ERBB4: variants seen among roughly 807,000 people sequenced by gnomAD.
ERBB4 encodes erb-b2 receptor tyrosine kinase 4.
In ERBB4, 42 loss-of-function variants were observed where a neutral mutation model predicts 158.0. That is an observed-to-expected ratio of 0.27 (90% CI 0.21 to 0.34). ERBB4 has a LOEUF of 0.34. Ranked by LOEUF, ERBB4 falls within the 10% of genes least tolerant of loss-of-function variation. The probability of loss-of-function intolerance (pLI) is 1.00; values close to 1 mark genes in which losing one functional copy is unlikely to be tolerated. For synonymous variants in ERBB4, 583 were observed against 558.7 expected (o/e 1.04, Z -0.61); for missense variants, 1,333 against 1,624.1 (o/e 0.82, Z 3.08).
At chr2:211,387,570 C>T (rs1054046925) in intron 26 of ERBB4, among the ~76,000 whole-genome samples, 1 of 152,088 alleles carries the variant, frequency 6.6e-6, no homozygotes, top group South Asian at 2.1e-4. Flanking sequence ...TTATTCCCTT[C>T]GAAAATTCTG....
chr2:212,397,492 AAAGG>A (rs35938197), intron 1 of ERBB4, among the ~76,000 whole-genome samples: 9 of 145,782 alleles, frequency 6.2e-5, no homozygotes, highest in Non-Finnish European at 1.1e-4. Context: ...AGAAAGAAAA[AAAGG>A]AAGGAAGGAA....
chr2:211,399,830 G>A (rs2062996086), intron 25 of ERBB4, among the ~76,000 whole-genome samples: 1 of 151,986 alleles, frequency 6.6e-6, no homozygotes, highest in Non-Finnish European at 1.5e-5. Context: ...AATACAACTT[G>A]TTAACTAAGA....
chr2:211,607,812 GC>G (rs1559343944), intron 19 of ERBB4, among the ~76,000 whole-genome samples: 1 of 151,028 alleles, frequency 6.6e-6, no homozygotes. Flanking sequence ...TTCATGAAAA[GC>G]GTTAATGATT....
At chr2:211,499,466 T>C (rs1248180650) in intron 20 of ERBB4, among the ~76,000 whole-genome samples, 1 of 152,002 alleles carries the variant, frequency 6.6e-6, no homozygotes, top group Non-Finnish European at 1.5e-5. Context: ...GAGGTTGCAG[T>C]GAGCCGAGAT....
intron 2 of ERBB4, among the ~76,000 whole-genome samples, chr2:212,011,993 C>T (rs184628288): frequency 5.5e-4 from 84 of 152,234 alleles, no homozygotes; most frequent in Non-Finnish European, 9.4e-4. Flanking sequence ...TCAACCATTT[C>T]GGTTACCGTG....
Position 212,322,936 on chromosome 2 carries a change from C to G in ERBB4, c.83-198033G>C, listed in dbSNP as rs191517169. 1.2e-3 allele frequency among the ~76,000 whole-genome samples: 158 copies of G among 136,770 alleles called. 9 individuals are homozygous for G. The highest frequency in any genetic ancestry group is 4.9e-4 in the Non-Finnish European group (32 of 64,684). 89.7% of individuals were successfully genotyped at this position (136,770 alleles called of 152,430 possible). ...TCTGCTAAATGTTATTCTCCCTAGC[C>G]GGAAAAAAAAATCATTCTTGAAATC... On this transcript the variant is annotated intron_variant, in intron 1 of 27. Coordinates refer to ENST00000342788, the MANE Select transcript of ERBB4 (RefSeq NM_005235.3).
chr2:211,713,674 AAT>A, intron 7 of ERBB4, 26 bp from the exon 8 acceptor site: 1 of 1,316,882 alleles, frequency 7.6e-7, no homozygotes, highest in Non-Finnish European at 1.1e-6. Flanking sequence ...AAAAAGGTAA[AAT>A]AAGCATTAAT....
intron 27 of ERBB4, 42 bp downstream of exon 27, chr2:211,386,811 T>C: frequency 6.3e-7 from 1 of 1,599,942 alleles, no homozygotes; most frequent in Non-Finnish European, 8.6e-7. Flanking sequence ...TTGATGGAAG[T>C]GAACTTCGAA....
At chr2:212,461,646 G>A (rs933827114) in intron 1 of ERBB4, among the ~76,000 whole-genome samples, 29 of 152,088 alleles carry the variant, frequency 1.9e-4, no homozygotes, top group Admixed American at 1.8e-3. Context: ...AAGACTTTGG[G>A]GGACTGTTGG....
At chr2:211,560,126 A>G (rs1386007746) in intron 20 of ERBB4, among the ~76,000 whole-genome samples, 1 of 152,022 alleles carries the variant, frequency 6.6e-6, no homozygotes, top group Non-Finnish European at 1.5e-5. Context: ...TATTCAGGAA[A>G]CTCAAAGTAG....
At chr2:211,747,793 A>G (rs916395486) in intron 5 of ERBB4, among the ~76,000 whole-genome samples, 1 of 151,982 alleles carries the variant, frequency 6.6e-6, no homozygotes, top group Non-Finnish European at 1.5e-5. Context: ...TCAATCTGAG[A>G]ATAAATATTC....
intron 1 of ERBB4, among the ~76,000 whole-genome samples, chr2:212,129,553 C>T (rs1176468970): frequency 1.3e-5 from 2 of 151,650 alleles, no homozygotes; most frequent in East Asian, 1.9e-4. Flanking sequence ...TTATAATGAA[C>T]ATATGCTACC....
intron 20 of ERBB4, among the ~76,000 whole-genome samples, chr2:211,466,806 C>T (rs2064702795): frequency 6.6e-6 from 1 of 152,046 alleles, no homozygotes; most frequent in Non-Finnish European, 1.5e-5. Flanking sequence ...AATGGTAATG[C>T]TCCAATATAA....
chr2:211,486,698 T>C (rs1352309751), intron 20 of ERBB4, among the ~76,000 whole-genome samples: 1 of 152,074 alleles, frequency 6.6e-6, no homozygotes, highest in Non-Finnish European at 1.5e-5. Flanking sequence ...ACACTCTCTC[T>C]CCAAGCCTCA....
intron 12 of ERBB4, among the ~76,000 whole-genome samples, chr2:211,684,903 A>G (rs1366945442): frequency 6.6e-6 from 1 of 152,108 alleles, no homozygotes; most frequent in Non-Finnish European, 1.5e-5. Flanking sequence ...CAGGGAGACA[A>G]ATTTGAGGGT....
intron 2 of ERBB4, among the ~76,000 whole-genome samples, chr2:212,087,739 T>C (rs1487542097): frequency 6.6e-6 from 1 of 152,074 alleles, no homozygotes; most frequent in Non-Finnish European, 1.5e-5. Flanking sequence ...CACTAGATAC[T>C]TCTAAGAGCT....
chr2:211,899,894 G>GA (rs2079189336), intron 3 of ERBB4, among the ~76,000 whole-genome samples: 1 of 152,050 alleles, frequency 6.6e-6, no homozygotes, highest in African/African-American at 2.4e-5. Context: ...TATTATTGAT[G>GA]AAAAATTAAT....
chr2:211,906,076 G>T (rs550510643), intron 3 of ERBB4, among the ~76,000 whole-genome samples: 146 of 152,096 alleles, frequency 9.6e-4, no homozygotes, highest in Non-Finnish European at 1.9e-3. Context: ...ATACATTCGA[G>T]AAGTGTCACA....
At chr2:211,771,060 C>G (rs911365100) in intron 4 of ERBB4, among the ~76,000 whole-genome samples, 1 of 152,186 alleles carries the variant, frequency 6.6e-6, no homozygotes, top group South Asian at 2.1e-4. Context: ...ATTTTACCAT[C>G]ATAGAAATCT....
Sources: gnomAD v4.1 joint callset for allele counts (sites outside exome capture counted in the v4.1 genomes callset) on GRCh38, gnomAD v4.1.1 for gene constraint, MANE v1.5 for transcripts, NCBI Gene and HGNC (gene_info 2026-07-23, HGNC 2026-07-21) for gene names.